The following COLEC10 variants were observed in gnomAD, a reference collection of about 807,000 sequenced individuals.
The protein encoded by COLEC10 is collectin subfamily member 10.
A neutral mutation model predicts 28.4 loss-of-function variants in COLEC10; 22 were observed. The ratio of observed to expected loss-of-function variants is 0.78; its 90% confidence interval spans 0.55 to 1.11. COLEC10 has a LOEUF of 1.11. Ranked by LOEUF, COLEC10 falls within the 50% of genes least tolerant of loss-of-function variation. The probability of loss-of-function intolerance (pLI) is 0.00; values close to 1 mark genes in which losing one functional copy is unlikely to be tolerated. For synonymous variants in COLEC10, 125 were observed against 116.1 expected, an observed-to-expected ratio of 1.08 and a Z score of -0.49; for missense variants, 361 against 344.1, an observed-to-expected ratio of 1.05 and a Z score of -0.39.
At chr8:119,066,232 A>G (rs1814952802), upstream of COLEC10, among the ~76,000 whole-genome samples, 1 of 152,226 alleles carries the variant, frequency 6.6e-6, no homozygotes, top group African/African-American at 2.4e-5. Context: ...ATGCTGTTCA[A>G]GAATGGAGAA....
chr8:118,977,314 G>A, the COLEC10 span, among the ~76,000 whole-genome samples: 120 of 148,622 alleles, frequency 8.1e-4, no homozygotes, highest in African/African-American at 2.5e-3. Flanking sequence ...TGTTTATTGC[G>A]GCATTATTCA....
intron 2 of COLEC10, among the ~76,000 whole-genome samples, chr8:119,027,808 A>G (rs1400062518): frequency 1.3e-5 from 2 of 152,016 alleles, no homozygotes; most frequent in African/African-American, 4.8e-5. Context: ...TGGAAGAATT[A>G]CTCCCTCTCT....
the COLEC10 span, among the ~76,000 whole-genome samples, chr8:118,989,880 T>C: frequency 1.3e-5 from 2 of 152,126 alleles, no homozygotes; most frequent in Admixed American, 6.6e-5. Context: ...TGCTTACCAG[T>C]TTAACATCCC....
chr8:119,102,486 G>A, intron 4 of COLEC10, 85 bp downstream of exon 4: 1 of 1,180,236 alleles, frequency 8.5e-7, no homozygotes, highest in South Asian at 1.4e-5. Context: ...CAAATGAAAA[G>A]CAAGAGTCCT....
intron 3 of COLEC10, among the ~76,000 whole-genome samples, chr8:119,092,066 A>AT (rs34152820): frequency 0.05 from 6,174 of 124,428 alleles, 237 homozygotes; most frequent in East Asian, 0.17. Context: ...TCTTGTCCTA[A>AT]TTTTTTTTTT....
At chr8:118,998,059 T>C (rs1813619381) in intron 1 of COLEC10, among the ~76,000 whole-genome samples, 1 of 152,194 alleles carries the variant, frequency 6.6e-6, no homozygotes, top group African/African-American at 2.4e-5. Context: ...GTTTATCAAA[T>C]TAAAGTGATG....
upstream of COLEC10, among the ~76,000 whole-genome samples, chr8:119,065,220 C>T (rs958472588): frequency 3.3e-5 from 5 of 152,112 alleles, no homozygotes; most frequent in Admixed American, 1.3e-4. Flanking sequence ...AGGAGGTGTG[C>T]GGTGGGTGAG....
At chr8:118,988,360 C>T in the COLEC10 span, among the ~76,000 whole-genome samples, 2 of 152,080 alleles carry the variant, frequency 1.3e-5, no homozygotes, top group African/African-American at 2.4e-5. Flanking sequence ...GACGTAGTCT[C>T]CATGTGAAAG....
chr8:119,098,891 T>C (rs1368661412), intron 3 of COLEC10, among the ~76,000 whole-genome samples: 2 of 152,082 alleles, frequency 1.3e-5, no homozygotes, highest in African/African-American at 4.8e-5. Flanking sequence ...TACTTTGAAA[T>C]TTATTGTCCT....
chr8:119,083,788 TATTAA>T (rs998734776), intron 1 of COLEC10, among the ~76,000 whole-genome samples: 1 of 152,098 alleles, frequency 6.6e-6, no homozygotes, highest in African/African-American at 2.4e-5. Context: ...TTAAATAATT[TATTAA>T]ATTCAGTATA....
chr8:119,001,783 A>G (rs1429564763), intron 1 of COLEC10, among the ~76,000 whole-genome samples: 1 of 152,212 alleles, frequency 6.6e-6, no homozygotes, highest in Non-Finnish European at 1.5e-5. Flanking sequence ...ATTTATTTAC[A>G]AATTTCAAGT....
chr8:118,980,958 A>T, the COLEC10 span, among the ~76,000 whole-genome samples: 10,260 of 151,730 alleles, frequency 0.068, 604 homozygotes, highest in East Asian at 0.17. Flanking sequence ...ATTGACCCTG[A>T]GCATTTTTTT....
intron 2 of COLEC10, among the ~76,000 whole-genome samples, chr8:119,015,278 C>G (rs578058458): frequency 2.0e-5 from 3 of 150,704 alleles, no homozygotes; most frequent in Admixed American, 6.6e-5. Context: ...TGTCTCTAGA[C>G]TGAATTTCAT....
rs1190709733 is a variant in COLEC10, at chr8:119,105,860, A to T, written c.503A>T (p.Asn168Ile). The change falls in exon 6 of 6, where the codon AAC becomes ATC. Residue 168 changes from asparagine (N) to isoleucine (I), a missense_variant. Physicochemically the swap from Asn to Ile is moderately radical, Grantham distance 149. This residue lies in a region of COLEC10 where 335 missense variants were observed against 308.5 expected (regional missense o/e 1.09). Coordinates refer to ENST00000332843, the MANE Select transcript of COLEC10 (RefSeq NM_006438.5). ...KFYYIVQEEK[N>I]YRESLTHCRI... ...TACTACATCGTGCAGGAAGAGAAGA[A>T]CTACAGGGAATCCCTAACCCACTGC... 6.2e-7 allele frequency: 1 copy of T among 1,613,742 alleles called. No individual in the cohort carries two copies. The highest frequency in any genetic ancestry group is 1.1e-5 in the South Asian group (1 of 91,060).
At chr8:118,988,467 G>A in the COLEC10 span, among the ~76,000 whole-genome samples, 2,094 of 152,142 alleles carry the variant, frequency 0.014, 51 homozygotes, top group African/African-American at 0.048. Context: ...CACCTAAGAG[G>A]GGAAAGACAT....
At chr8:119,104,035 T>C in intron 5 of COLEC10, 140 bp downstream of exon 5, 1 of 614,526 alleles carries the variant, frequency 1.6e-6, no homozygotes. Flanking sequence ...GTCTCCCAAA[T>C]TGCTAATTAT....
At chr8:119,017,936 A>G (rs1302728514) in intron 2 of COLEC10, among the ~76,000 whole-genome samples, 1 of 152,196 alleles carries the variant, frequency 6.6e-6, no homozygotes, top group Non-Finnish European at 1.5e-5. Context: ...AAAACTTGGC[A>G]TCGAATTCAT....
chr8:119,089,651 T>A (rs1185681202), intron 1 of COLEC10, 29 bp from the exon 2 acceptor site: 1 of 1,560,748 alleles, frequency 6.4e-7, no homozygotes, highest in South Asian at 1.1e-5. Flanking sequence ...TTGAGATGCT[T>A]CACTCTATCT....
intron 2 of COLEC10, among the ~76,000 whole-genome samples, chr8:119,042,811 T>G (rs1246626337): frequency 6.6e-6 from 1 of 152,244 alleles, no homozygotes; most frequent in East Asian, 1.9e-4. Flanking sequence ...GTTGAGATTA[T>G]GTATATAAAA....
Sources: allele counts gnomAD v4.1 joint callset (sites outside exome capture counted in the v4.1 genomes callset), GRCh38; gene constraint gnomAD v4.1.1; regional missense constraint gnomAD v4.1.1; transcripts MANE v1.5; gene names NCBI Gene and HGNC (gene_info 2026-07-23, HGNC 2026-07-21).